The following MAP3K13 variants were observed in gnomAD, a reference collection of about 807,000 sequenced individuals.
MAP3K13 encodes mitogen-activated protein kinase kinase kinase 13.
In MAP3K13, 52 loss-of-function variants were observed where a neutral mutation model predicts 104.0. That is an observed-to-expected ratio of 0.50 (90% CI 0.40 to 0.63). MAP3K13 has a LOEUF of 0.63. Among genes scored for constraint, MAP3K13 ranks in the 20% least tolerant of loss-of-function variants. The pLI is 0.00. For missense variants in MAP3K13, 914 were observed against 1,218.5 expected, an observed-to-expected ratio of 0.75 and a Z score of 3.72; for synonymous variants, 394 against 442.2, an observed-to-expected ratio of 0.89 and a Z score of 1.37.
intron 1 of MAP3K13, among the ~76,000 whole-genome samples, chr3:185,398,215 G>A (rs902730044): frequency 7.9e-5 from 12 of 152,146 alleles, no homozygotes; most frequent in Non-Finnish European, 8.8e-5. Context: ...GAGAGCCTAA[G>A]AAAGGGAACC....
intron 2 of MAP3K13, among the ~76,000 whole-genome samples, chr3:185,313,735 G>GGA (rs1553787251): frequency 5.4e-5 from 8 of 146,790 alleles, no homozygotes; most frequent in African/African-American, 1.3e-4. Context: ...AAGTAGTGGT[G>GGA]AAAAAAAAAA....
chr3:185,456,534 T>C (rs4687366), intron 7 of MAP3K13, among the ~76,000 whole-genome samples: 107,551 of 150,728 alleles, frequency 0.71, 40,340 homozygotes, highest in Non-Finnish European at 0.84. Flanking sequence ...AAAGAGAATA[T>C]AGTACTCGCT....
Position 185,483,712 on chromosome 3 carries a change from T to TTTTTTTTTTTTTGGTTTGTTGGTTTGG in MAP3K13, c.*1268_*1269insGGTTTGTTGGTTTGGTTTTTTTTTTTT. On this transcript the variant is annotated 3_prime_UTR_variant, in exon 14 of 14. Transcript: ENST00000265026. Reference sequence around the variant, plus strand: ...ATAACTCATTCTATCTTAGAAGTTCTTTTTTTTTTTTTTTTTTTTGACAGA... The same window carrying TTTTTTTTTTTTTGGTTTGTTGGTTTGG: ...ATAACTCATTCTATCTTAGAAGTTCTTTTTTTTTTTTTGGTTTGTTGGTTTGGTTTTTTTTTTTTTTTTTTTGACAGA... 3 of 133,298 alleles carry TTTTTTTTTTTTTGGTTTGTTGGTTTGG rather than the reference T, an allele frequency of 2.3e-5. No homozygotes were observed. Among genetic ancestry groups the TTTTTTTTTTTTTGGTTTGTTGGTTTGG allele is most frequent in the Admixed American group, 8.7e-5 (1 of 11,520 alleles). 8.3% of individuals were successfully genotyped at this position (133,298 alleles called of 1,614,324 possible).
At chr3:185,476,916 A>G in intron 11 of MAP3K13, 1 of 318,622 alleles carries the variant, frequency 3.1e-6, no homozygotes, top group South Asian at 2.8e-5. Context: ...GGAAAAAGTA[A>G]TTGTTCGGCT....
chr3:185,385,861 G>A (rs1711656362), intron 1 of MAP3K13, among the ~76,000 whole-genome samples: 1 of 152,112 alleles, frequency 6.6e-6, no homozygotes, highest in African/African-American at 2.4e-5. Flanking sequence ...AAATTAGCCA[G>A]TCGTGGTGGT....
Position 185,284,117 on chromosome 3 carries a change from C to T in MAP3K13, c.-205+1090C>T, listed in dbSNP as rs541866655. Among the ~76,000 whole-genome samples the T allele has an allele frequency of 5.9e-5, 9 of 151,750 alleles. No individual in the cohort carries two copies. In the East Asian group the frequency reaches 1.5e-3, roughly 26 times the overall value. On this transcript the variant is annotated intron_variant, in intron 1 of 14. Coordinates refer to the MAP3K13 transcript ENST00000424227. Reference sequence around the variant, plus strand: ...CCTCCCAAAGTGCTGGGATTACGGGCGTGAACCACTACGCGCGGCCACTTT... The same window carrying T: ...CCTCCCAAAGTGCTGGGATTACGGGTGTGAACCACTACGCGCGGCCACTTT...
At chr3:185,453,891 G>GATACATATATATGAGATATATATATA in intron 7 of MAP3K13, among the ~76,000 whole-genome samples, 1 of 64,752 alleles carries the variant, frequency 1.5e-5, no homozygotes, top group African/African-American at 5.8e-5. Flanking sequence ...AGATATATAT[G>GATACATATATATGAGATATATATATA]TGATACATAT....
At chr3:185,387,933 A>C (rs1711792772) in intron 1 of MAP3K13, among the ~76,000 whole-genome samples, 1 of 152,154 alleles carries the variant, frequency 6.6e-6, no homozygotes, top group Admixed American at 6.5e-5. Flanking sequence ...TTCACTAAAA[A>C]ACTCACAGAA....
At chr3:185,368,457 G>C (rs532021053) in intron 1 of MAP3K13, among the ~76,000 whole-genome samples, 7 of 152,188 alleles carry the variant, frequency 4.6e-5, no homozygotes, top group Non-Finnish European at 8.8e-5. Context: ...AGTAAGGTAA[G>C]TTAGATGTTG....
In MAP3K13 at chr3:185,461,422, G is replaced by T. The variant is rs373688882; in HGVS notation, c.1279-2128G>T. On this transcript the variant is annotated intron_variant, in intron 7 of 13. Transcript: ENST00000265026. ...AAATATAATTTCCTCTATAAAAATA[G>T]ATGAGAAACAGCTAATTTGGGGAAA... Among the ~76,000 whole-genome samples the T allele has an allele frequency of 5.3e-5, 8 of 152,280 alleles. No homozygotes were observed. The South Asian group carries it at 1.5e-3, about 28-fold the overall frequency.
chr3:185,426,563 C>G (rs923633724), intron 1 of MAP3K13, among the ~76,000 whole-genome samples: 2 of 152,134 alleles, frequency 1.3e-5, no homozygotes, highest in African/African-American at 4.8e-5. Flanking sequence ...AGTATAAAAT[C>G]TCAAACTCAG....
At chr3:185,437,682 A>G (rs764070961) in intron 3 of MAP3K13, 52 bp downstream of exon 3, 3 of 1,486,754 alleles carry the variant, frequency 2.0e-6, no homozygotes, top group Admixed American at 2.1e-5. Context: ...CTTTCCCCCA[A>G]TATATACACA....
chr3:185,330,091 T>G (rs1344716661), intron 2 of MAP3K13, among the ~76,000 whole-genome samples: 3 of 138,804 alleles, frequency 2.2e-5, no homozygotes, highest in African/African-American at 5.4e-5. Context: ...TTAGTAGAGA[T>G]GGGGTTTCAC....
At chr3:185,429,294 C>T (rs547377488) in intron 2 of MAP3K13, among the ~76,000 whole-genome samples, 6 of 152,206 alleles carry the variant, frequency 3.9e-5, no homozygotes, top group African/African-American at 1.4e-4. Flanking sequence ...GTCCAAAGTA[C>T]AGTACATATA....
At chr3:185,480,039 T>A (rs1718354217) in intron 12 of MAP3K13, 193 bp from the exon 13 acceptor site, 2 of 617,410 alleles carry the variant, frequency 3.2e-6, no homozygotes, top group Non-Finnish European at 5.7e-6. Context: ...CAACATGGAA[T>A]TTCATGGGGG....
At chr3:185,455,235 G>GAT (rs1239308173) in intron 7 of MAP3K13, among the ~76,000 whole-genome samples, 2 of 70,168 alleles carry the variant, frequency 2.9e-5, no homozygotes, top group Admixed American at 4.0e-4. Flanking sequence ...ATATATATGA[G>GAT]ATATATATAT....
chr3:185,328,035 A>G lies in MAP3K13; in HGVS notation c.-86+42392A>G, dbSNP rs188537954. Among the ~76,000 whole-genome samples, 122 of 152,144 alleles carry G rather than the reference A, an allele frequency of 8.0e-4. 1 individual carries two copies. Among genetic ancestry groups the G allele is most frequent in the East Asian group, 1.2e-3 (6 of 5,162 alleles). ...GAAGGAAGGAATAAAATAAAGAAAT[A>G]TGGTAGCTCAGAAGGGAAAGAAGCT... On this transcript the variant is annotated intron_variant, in intron 2 of 14. Transcript: ENST00000424227.
At chr3:185,398,695 C>T (rs191364270) in intron 1 of MAP3K13, among the ~76,000 whole-genome samples, 1 of 152,234 alleles carries the variant, frequency 6.6e-6, no homozygotes, top group Non-Finnish European at 1.5e-5. Context: ...ATGTAGCAGG[C>T]ACACAGGAAA....
chr3:185,303,798 T>A (rs1287469937), intron 2 of MAP3K13, among the ~76,000 whole-genome samples: 1 of 151,978 alleles, frequency 6.6e-6, no homozygotes, highest in Non-Finnish European at 1.5e-5. Context: ...CTTTCTATTA[T>A]TTTTCTATCC....
Sources: gnomAD v4.1 joint callset for allele counts (sites outside exome capture counted in the v4.1 genomes callset) on GRCh38, gnomAD v4.1.1 for gene constraint, MANE v1.5 for transcripts, NCBI Gene and HGNC (gene_info 2026-07-23, HGNC 2026-07-21) for gene names.